LRP1B: variants seen among roughly 807,000 people sequenced by gnomAD.
The protein encoded by LRP1B is LDL receptor related protein 1B, also known as low-density lipoprotein receptor-related protein 1B.
LRP1B carries 217 observed loss-of-function variants against 556.6 expected under a neutral mutation model. That is an observed-to-expected ratio of 0.39 (90% CI 0.35 to 0.44). The LOEUF is 0.44. LRP1B is among the 20% of genes least tolerant of loss of function. The pLI is 1.00. For synonymous variants in LRP1B, 2,047 were observed against 1,865.8 expected, an observed-to-expected ratio of 1.10 and a Z score of -2.50; for missense variants, 5,053 against 5,620.8, an observed-to-expected ratio of 0.90 and a Z score of 3.23.
intron 2 of LRP1B, among the ~76,000 whole-genome samples, chr2:141,666,236 A>C (rs1269278919): frequency 2.0e-5 from 3 of 152,214 alleles, no homozygotes; most frequent in Non-Finnish European, 2.9e-5. Context: ...CTTCTTAGAC[A>C]AGCTCATTGT....
chr2:141,301,093 T>C (rs1366823637), intron 3 of LRP1B, among the ~76,000 whole-genome samples: 1 of 152,164 alleles, frequency 6.6e-6, no homozygotes, highest in East Asian at 1.9e-4. Context: ...AGATATATTA[T>C]GTTGTGGGGT....
intron 68 of LRP1B, among the ~76,000 whole-genome samples, chr2:140,377,598 T>C (rs1158362856): frequency 6.6e-6 from 1 of 152,188 alleles, no homozygotes; most frequent in Non-Finnish European, 1.5e-5. Context: ...TAACAAATTG[T>C]ATGAAGTATT....
At chr2:141,748,442 CG>C (rs1183084527) in intron 2 of LRP1B, among the ~76,000 whole-genome samples, 1 of 152,038 alleles carries the variant, frequency 6.6e-6, no homozygotes, top group African/African-American at 2.4e-5. Flanking sequence ...TTATAGGACA[CG>C]GATGGAAGAT....
chr2:140,546,722 A>G (rs572481824), intron 43 of LRP1B, among the ~76,000 whole-genome samples: 37 of 152,216 alleles, frequency 2.4e-4, no homozygotes, highest in African/African-American at 7.7e-4. Context: ...CAGCCAAACC[A>G]TATCACTTGC....
At chr2:141,238,383 T>C (rs986605121) in intron 5 of LRP1B, among the ~76,000 whole-genome samples, 8 of 152,172 alleles carry the variant, frequency 5.3e-5, no homozygotes, top group Admixed American at 3.3e-4. Flanking sequence ...CTCCTATTTA[T>C]AAAGTAATTT....
intron 43 of LRP1B, among the ~76,000 whole-genome samples, chr2:140,563,580 C>A (rs1315211024): frequency 1.3e-5 from 2 of 152,090 alleles, no homozygotes; most frequent in Non-Finnish European, 2.9e-5. Flanking sequence ...TGATTTACAC[C>A]TACAGAACAA....
intron 35 of LRP1B, among the ~76,000 whole-genome samples, chr2:140,726,707 A>G (rs1016866969): frequency 6.6e-6 from 1 of 152,180 alleles, no homozygotes; most frequent in Non-Finnish European, 1.5e-5. Flanking sequence ...GAAGTTGGTC[A>G]TACCTCCCTC....
rs543832806 is a variant in LRP1B at position 140,935,552 on chromosome 2, T to C, written c.3137-12405A>G. ...AGTATAAGAGACTTGCAGGGCACCA[T>C]GAAGAAGAGCAATATATAAATTTTC... On this transcript the variant is annotated intron_variant, in intron 20 of 90. Coordinates refer to ENST00000389484, the MANE Select transcript of LRP1B (RefSeq NM_018557.3). 3.9e-5 allele frequency among the ~76,000 whole-genome samples: 6 copies of C among 152,060 alleles called. No individual in the cohort carries two copies. In the South Asian group the frequency reaches 1.0e-3, roughly 26 times the overall value.
chr2:141,962,606 GA>G (rs2105057560), intron 1 of LRP1B, among the ~76,000 whole-genome samples: 1 of 151,792 alleles, frequency 6.6e-6, no homozygotes, highest in Non-Finnish European at 1.5e-5. Context: ...TGAGAAATAG[GA>G]TTCAAAAGTA....
At chr2:140,972,431 A>C (rs1311270274) in intron 18 of LRP1B, among the ~76,000 whole-genome samples, 1 of 152,166 alleles carries the variant, frequency 6.6e-6, no homozygotes, top group East Asian at 1.9e-4. Flanking sequence ...AAGAAAATTA[A>C]AACTCCAAAC....
At chr2:142,067,600 GCA>G (rs1705152603) in intron 1 of LRP1B, among the ~76,000 whole-genome samples, 1 of 151,522 alleles carries the variant, frequency 6.6e-6, no homozygotes, top group Non-Finnish European at 1.5e-5. Flanking sequence ...ACACTGTAAA[GCA>G]CAGTTTTTTC....
intron 3 of LRP1B, among the ~76,000 whole-genome samples, chr2:141,445,972 T>C (rs938502609): frequency 6.6e-6 from 1 of 152,318 alleles, no homozygotes; most frequent in Non-Finnish European, 1.5e-5. Flanking sequence ...CTGAATATAC[T>C]TGTTAATTTT....
intron 31 of LRP1B, among the ~76,000 whole-genome samples, chr2:140,825,695 A>C (rs537666502): frequency 6.7e-4 from 102 of 152,206 alleles, no homozygotes; most frequent in African/African-American, 2.2e-3. Context: ...AGAAGGATCA[A>C]TTGTGGAATT....
At chr2:141,677,722 C>T (rs164977) in intron 2 of LRP1B, among the ~76,000 whole-genome samples, 32,864 of 152,058 alleles carry the variant, frequency 0.22, 4,985 homozygotes, top group African/African-American at 0.42. Context: ...CTCCTGACCT[C>T]GGGTGATCCG....
At chr2:141,712,659 T>A (rs886215499) in intron 2 of LRP1B, among the ~76,000 whole-genome samples, 66 of 152,026 alleles carry the variant, frequency 4.3e-4, no homozygotes, top group African/African-American at 1.5e-3. Flanking sequence ...ACTATTATTA[T>A]TATCTGTCCT....
chr2:140,751,195 G>A (rs1005709971), intron 35 of LRP1B, among the ~76,000 whole-genome samples: 1 of 152,048 alleles, frequency 6.6e-6, no homozygotes, highest in African/African-American at 2.4e-5. Flanking sequence ...GTTTCACCAT[G>A]TTGGCCAGGC....
chr2:140,388,670 C>G (rs1399127479), intron 66 of LRP1B, among the ~76,000 whole-genome samples: 1 of 152,152 alleles, frequency 6.6e-6, no homozygotes, highest in Non-Finnish European at 1.5e-5. Context: ...GTTACAAATA[C>G]AAACGACATA....
chr2:142,068,792 GC>G (rs1317501920), intron 1 of LRP1B, among the ~76,000 whole-genome samples: 1 of 151,454 alleles, frequency 6.6e-6, no homozygotes, highest in African/African-American at 2.4e-5. Context: ...CTTTCTAAAA[GC>G]CTGTCTTTCC....
chr2:141,573,671 T>C (rs576483551), intron 2 of LRP1B, among the ~76,000 whole-genome samples: 1 of 142,582 alleles, frequency 7.0e-6, no homozygotes, highest in South Asian at 2.2e-4. Flanking sequence ...AAGGGCTGGG[T>C]TTTGAAAAAA....
Sources: gnomAD v4.1 joint callset for allele counts (sites outside exome capture counted in the v4.1 genomes callset) on GRCh38, gnomAD v4.1.1 for gene constraint, MANE v1.5 for transcripts, NCBI Gene and HGNC (gene_info 2026-07-23, HGNC 2026-07-21) for gene names.